SCAPER: variants seen among roughly 807,000 people sequenced by gnomAD.
SCAPER encodes S-phase cyclin A associated protein in the ER.
Under a neutral mutation model 182.2 loss-of-function variants are expected in SCAPER, and 98 were observed. The ratio of observed to expected loss-of-function variants is 0.54; its 90% CI spans 0.46 to 0.64. SCAPER has a LOEUF of 0.64. Among genes scored for constraint, SCAPER ranks in the 30% least tolerant of loss-of-function variants. The pLI, the probability that SCAPER is intolerant of heterozygous loss-of-function variation, is 0.00. For missense variants in SCAPER, 1,432 were observed against 1,690.0 expected (o/e 0.85, Z 2.68); for synonymous variants, 605 against 564.6 (o/e 1.07, Z -1.01).
At chr15:76,601,930 G>A (rs972901829) in intron 22 of SCAPER, among the ~76,000 whole-genome samples, 1 of 120,882 alleles carries the variant, frequency 8.3e-6, no homozygotes, top group African/African-American at 2.5e-5. Flanking sequence ...AAGTCCTGCA[G>A]TCGGCCCCTT....
Position 76,348,395 on chromosome 15 carries a change from G to A in SCAPER, c.*238C>T, listed in dbSNP as rs894566816. 14 of 304,626 alleles carry A rather than the reference G, an allele frequency of 4.6e-5. No homozygotes were observed. The highest frequency in any genetic ancestry group is 1.1e-4 in the South Asian group (1 of 9,338). 18.9% of individuals were successfully genotyped at this position (304,626 alleles called of 1,614,324 possible). On this transcript the variant is annotated 3_prime_UTR_variant, in exon 32 of 32. Coordinates refer to ENST00000563290, the MANE Select transcript of SCAPER (RefSeq NM_020843.4). The stretch of plus-strand genomic sequence containing the variant: ...TGCAAAGTATATATTATCATAAGAT[G>A]GAAATTACCAAACTCCAAGATACTC...
Position 76,348,604 on chromosome 15 carries a change from G to T in SCAPER, c.*29C>A, listed in dbSNP as rs2040322230. 1 of 1,351,264 alleles carries T rather than the reference G, an allele frequency of 7.4e-7. No individual in the cohort carries two copies. Among genetic ancestry groups the T allele is most frequent in the South Asian group, 1.3e-5 (1 of 74,876 alleles). 83.7% of individuals were successfully genotyped at this position (1,351,264 alleles called of 1,614,324 possible). ...TGGACAATTTAAAATATTAACAAGG[G>T]TACTCAAATACAGAATCAACCAAAA... On this transcript the variant is annotated 3_prime_UTR_variant, in exon 32 of 32. Transcript: ENST00000563290.
intron 26 of SCAPER, among the ~76,000 whole-genome samples, chr15:76,411,754 C>T (rs1255443845): frequency 4.6e-5 from 7 of 152,112 alleles, no homozygotes; most frequent in Non-Finnish European, 7.4e-5. Flanking sequence ...ATTAGATCTC[C>T]AGTTGTTCTA....
At chr15:76,373,044 C>T (rs8042121) in intron 29 of SCAPER, among the ~76,000 whole-genome samples, 1 of 35,162 alleles carries the variant, frequency 2.8e-5, no homozygotes. Context: ...CTTTTTCTTT[C>T]TTTCTTTCTT....
At chr15:76,863,950 G>A (rs1408472789) in intron 2 of SCAPER, among the ~76,000 whole-genome samples, 2 of 152,080 alleles carry the variant, frequency 1.3e-5, no homozygotes, top group Non-Finnish European at 2.9e-5. Flanking sequence ...ACAGGCCCTA[G>A]CTGAATTCCC....
intron 8 of SCAPER, among the ~76,000 whole-genome samples, chr15:76,785,783 A>T (rs2064544457): frequency 6.6e-6 from 1 of 152,156 alleles, no homozygotes; most frequent in South Asian, 2.1e-4. Context: ...AAGGACAGAA[A>T]CCAAACACTG....
At chr15:76,707,726 C>T (rs557994209) in intron 17 of SCAPER, among the ~76,000 whole-genome samples, 1 of 152,150 alleles carries the variant, frequency 6.6e-6, no homozygotes, top group East Asian at 1.9e-4. Context: ...ATACAGAAGA[C>T]CAGACAACAA....
intron 2 of SCAPER, among the ~76,000 whole-genome samples, chr15:76,865,574 C>T (rs980633461): frequency 6.6e-6 from 1 of 152,000 alleles, no homozygotes; most frequent in Non-Finnish European, 1.5e-5. Context: ...GTATATCATA[C>T]TTTCATACTG....
chr15:76,507,423 C>A (rs1597094758), intron 23 of SCAPER, among the ~76,000 whole-genome samples: 2 of 152,090 alleles, frequency 1.3e-5, no homozygotes, highest in Admixed American at 6.6e-5. Flanking sequence ...TTATGGCAGG[C>A]CCCAAGCAAA....
intron 5 of SCAPER, among the ~76,000 whole-genome samples, chr15:76,817,401 T>G (rs2067174713): frequency 6.6e-6 from 1 of 152,168 alleles, no homozygotes; most frequent in African/African-American, 2.4e-5. Context: ...AATCAGTGGT[T>G]GGTTAACAAG....
At chr15:76,889,796 G>C (rs2074065372) in intron 1 of SCAPER, among the ~76,000 whole-genome samples, 1 of 152,070 alleles carries the variant, frequency 6.6e-6, no homozygotes, top group Non-Finnish European at 1.5e-5. Flanking sequence ...TCCAGGACTT[G>C]AACTCACCTT....
At chr15:76,678,131 C>T (rs1301361684) in intron 20 of SCAPER, among the ~76,000 whole-genome samples, 2 of 150,304 alleles carry the variant, frequency 1.3e-5, no homozygotes, top group Middle Eastern at 3.5e-3. Flanking sequence ...TTTAAATGTA[C>T]ACTTTGAAAA....
chr15:76,828,937 G>A (rs764273248), intron 5 of SCAPER, among the ~76,000 whole-genome samples: 11 of 152,200 alleles, frequency 7.2e-5, no homozygotes, highest in Non-Finnish European at 1.3e-4. Flanking sequence ...AAATGATCCA[G>A]CAATCCCACT....
intron 20 of SCAPER, among the ~76,000 whole-genome samples, chr15:76,666,147 G>C (rs948574998): frequency 1.3e-5 from 2 of 152,142 alleles, no homozygotes; most frequent in Non-Finnish European, 2.9e-5. Flanking sequence ...AGAACCCGAA[G>C]AGGGAAACAA....
At chr15:76,707,717 T>C (rs2059330371) in intron 17 of SCAPER, among the ~76,000 whole-genome samples, 1 of 152,122 alleles carries the variant, frequency 6.6e-6, no homozygotes, top group Non-Finnish European at 1.5e-5. Context: ...ATCAGCAGTA[T>C]ACAGAAGACC....
At chr15:76,374,694 T>C (rs923849768) in intron 29 of SCAPER, among the ~76,000 whole-genome samples, 2 of 151,730 alleles carry the variant, frequency 1.3e-5, no homozygotes, top group Non-Finnish European at 2.9e-5. Context: ...TTGGTGAGTA[T>C]GTGGCTGGTC....
intron 8 of SCAPER, among the ~76,000 whole-genome samples, chr15:76,784,325 C>A (rs2064408192): frequency 6.6e-6 from 1 of 152,134 alleles, no homozygotes; most frequent in African/African-American, 2.4e-5. Context: ...AACCAACTTA[C>A]AAGGGACGTG....
At chr15:76,473,786 A>T (rs1040786324) in intron 24 of SCAPER, among the ~76,000 whole-genome samples, 3 of 152,006 alleles carry the variant, frequency 2.0e-5, no homozygotes, top group African/African-American at 7.2e-5. Flanking sequence ...GATCACCTGT[A>T]GTTTTATTTT....
intron 16 of SCAPER, 60 bp from the exon 17 acceptor site, chr15:76,728,797 A>G: frequency 6.6e-7 from 1 of 1,523,916 alleles, no homozygotes; most frequent in Non-Finnish European, 8.8e-7. Context: ...AAATGATTCA[A>G]AGTAATATAC....
Sources: gnomAD v4.1 joint callset for allele counts (sites outside exome capture counted in the v4.1 genomes callset) on GRCh38, gnomAD v4.1.1 for gene constraint, MANE v1.5 for transcripts, NCBI Gene and HGNC (gene_info 2026-07-23, HGNC 2026-07-21) for gene names.